Variants in FREM3 observed in about 807,000 individuals in gnomAD.
FREM3 encodes FRAS1 related extracellular matrix 3, also known as FRAS1-related extracellular matrix protein 3.
FREM3 carries 105 observed loss-of-function variants against 129.1 expected under a neutral mutation model. That is an observed-to-expected ratio of 0.81 (90% CI 0.69 to 0.96). The LOEUF is 0.96. Among genes scored for constraint, FREM3 ranks in the 40% least tolerant of loss-of-function variants. The probability of loss-of-function intolerance (pLI) is 0.00; values close to 1 mark genes in which losing one functional copy is unlikely to be tolerated. For missense variants in FREM3, 2,593 were observed against 2,666.3 expected, an observed-to-expected ratio of 0.97 and a Z score of 0.61; for synonymous variants, 1,014 against 1,044.9, an observed-to-expected ratio of 0.97 and a Z score of 0.57.
intron 7 of FREM3, among the ~76,000 whole-genome samples, chr4:143,583,007 A>G (rs1312089388): frequency 1.3e-5 from 2 of 151,896 alleles, no homozygotes; most frequent in African/African-American, 2.4e-5. Flanking sequence ...CAGTCTTACA[A>G]CTAGCTTGGA....
At chr4:143,689,443 G>A (rs1451282533) in intron 2 of FREM3, among the ~76,000 whole-genome samples, 1 of 152,190 alleles carries the variant, frequency 6.6e-6, no homozygotes, top group African/African-American at 2.4e-5. Context: ...CGGTGGGAAT[G>A]TAGTACAGCC....
At chr4:143,587,135 C>G (rs571798856) in intron 6 of FREM3, among the ~76,000 whole-genome samples, 2 of 152,334 alleles carry the variant, frequency 1.3e-5, no homozygotes, top group South Asian at 4.1e-4. Context: ...TTATGCCAAA[C>G]AGCTCCCAAT....
intron 2 of FREM3, among the ~76,000 whole-genome samples, chr4:143,672,734 A>T (rs764237569): frequency 4.3e-4 from 65 of 152,370 alleles, no homozygotes; most frequent in Middle Eastern, 3.4e-3. Context: ...TACACCAATC[A>T]GACATAAATT....
chr4:143,593,223 C>T (rs1363342799), intron 6 of FREM3, among the ~76,000 whole-genome samples: 1 of 152,198 alleles, frequency 6.6e-6, no homozygotes, highest in East Asian at 1.9e-4. Context: ...TTGAAGCCTT[C>T]CTCTCTCAAC....
intron 2 of FREM3, among the ~76,000 whole-genome samples, chr4:143,665,191 G>T (rs1739833747): frequency 6.6e-6 from 1 of 152,076 alleles, no homozygotes; most frequent in Non-Finnish European, 1.5e-5. Flanking sequence ...TGCTCACGCT[G>T]GGAGCTGTAG....
At position 143,582,897 on chromosome 4, in the gene FREM3, A is replaced by C. The variant is rs1210664081; in HGVS notation, c.6178+2947T>G. ...TTATTATTTTTAAATTAATTAATTT[A>C]CTTTTTTTTTTTTGAGATGGGTTTG... On this transcript the variant is annotated intron_variant, in intron 7 of 7. Transcript: ENST00000329798. Among the ~76,000 whole-genome samples, 11 of 77,180 alleles carry C rather than the reference A, an allele frequency of 1.4e-4. No homozygotes were observed. In the East Asian group the frequency reaches 4.9e-3, roughly 34 times the overall value. 50.6% of individuals were successfully genotyped at this position (77,180 alleles called of 152,430 possible).
At chr4:143,667,184 T>C (rs546218980) in intron 2 of FREM3, among the ~76,000 whole-genome samples, 1 of 152,182 alleles carries the variant, frequency 6.6e-6, no homozygotes, top group Non-Finnish European at 1.5e-5. Flanking sequence ...GAATACTGTA[T>C]TTTATGTGGA....
In FREM3 at chr4:143,700,060, G is replaced by A. The variant is rs1171945128; in HGVS notation, c.616C>T (p.Arg206Cys). The A allele has an allele frequency of 1.3e-6, 2 of 1,523,194 alleles. No homozygotes were observed. The highest frequency in any genetic ancestry group is 2.5e-5 in the East Asian group (1 of 40,636). 94.4% of individuals were successfully genotyped at this position (1,523,194 alleles called of 1,614,324 possible). ...GGAAGTGGGGTAAGCCGGCACCTGC[G>A]GGTGGCCGTGGCTCCAGACTTCAGG... The part of the protein sequence containing the change: ...ASLKSGATAT[R>C]RCRLTPLPHE... Residue 206 changes from arginine (R) to cysteine (C), a missense_variant, in exon 1 of 8, where the codon CGC becomes TGC. Around this residue, in one of 2 missense-constraint regions of FREM3, gnomAD observed 2,276 missense variants for 2,267.2 expected, o/e 1.00. Coordinates refer to ENST00000329798, the MANE Select transcript of FREM3 (RefSeq NM_001168235.2).
chr4:143,618,905 C>T (rs1241459286), intron 5 of FREM3, among the ~76,000 whole-genome samples: 1 of 151,958 alleles, frequency 6.6e-6, no homozygotes, highest in African/African-American at 2.4e-5. Context: ...CAAAATCCTC[C>T]CCCAACCTAC....
intron 2 of FREM3, among the ~76,000 whole-genome samples, chr4:143,678,730 GAA>G (rs1386931723): frequency 1.3e-5 from 2 of 152,008 alleles, no homozygotes; most frequent in Non-Finnish European, 2.9e-5. Flanking sequence ...CATTGAAAAT[GAA>G]AGAGAAAAAT....
At chr4:143,658,820 T>G (rs1739646182) in intron 2 of FREM3, among the ~76,000 whole-genome samples, 1 of 152,208 alleles carries the variant, frequency 6.6e-6, no homozygotes, top group Non-Finnish European at 1.5e-5. Context: ...ACCCTTGATT[T>G]AGAATATCCT....
intron 2 of FREM3, among the ~76,000 whole-genome samples, chr4:143,670,710 G>C (rs965292604): frequency 6.6e-6 from 1 of 152,076 alleles, no homozygotes; most frequent in African/African-American, 2.4e-5. Flanking sequence ...TTTACTAGTT[G>C]AGAATATTTC....
rs577282985 is a variant in FREM3, at chr4:143,674,988, G to A, written c.5275+18125C>T. Among the ~76,000 whole-genome samples, 6 of 152,280 alleles carry A rather than the reference G, an allele frequency of 3.9e-5. No homozygotes were observed. The East Asian group carries it at 1.2e-3, about 29-fold the overall frequency. On this transcript the variant is annotated intron_variant, in intron 2 of 7. Coordinates refer to ENST00000329798, the MANE Select transcript of FREM3 (RefSeq NM_001168235.2). Reference sequence around the variant, plus strand: ...GAACATTAGACAGATCAACGAGAAAGAAAGTTAACAAGGATATCCAGGAAT... The same window carrying A: ...GAACATTAGACAGATCAACGAGAAAAAAAGTTAACAAGGATATCCAGGAAT...
Position 143,698,507 on chromosome 4 carries a change from G to T in FREM3, c.2169C>A (p.Phe723Leu), listed in dbSNP as rs1560878119. The T allele has an allele frequency of 2.0e-6, 3 of 1,537,690 alleles. No individual in the cohort carries two copies. Among genetic ancestry groups the T allele is most frequent in the Non-Finnish European group, 2.6e-6 (3 of 1,147,010 alleles). The change falls in exon 1 of 8, where the codon TTC (phenylalanine) becomes TTA (leucine). Residue 723 changes from phenylalanine (F) to leucine (L), a missense_variant. This residue lies in a region of FREM3 where 2,276 missense variants were observed against 2,267.2 expected (regional missense o/e 1.00). Coordinates refer to ENST00000329798, the MANE Select transcript of FREM3 (RefSeq NM_001168235.2). The part of the protein sequence containing the change: ...MTVQEYQLTH[F>L]QKNFLRYIDQ... ...CAATGTATCGGAGGAAATTCTTCTG[G>T]AAGTGAGTGAGTTGGTATTCTTGTA...
rs574935831 is a variant in FREM3 at position 143,622,873 on chromosome 4, A to T, written c.5653+1235T>A. 2.6e-5 allele frequency among the ~76,000 whole-genome samples: 4 copies of T among 152,282 alleles called. No individual in the cohort carries two copies. In the South Asian group the frequency reaches 8.3e-4, roughly 32 times the overall value. On this transcript the variant is annotated intron_variant, in intron 4 of 7. Transcript: ENST00000329798. ...TGAGCCTTCATTACTTGGGACCATG[A>T]TGATCTATGTTCTTCTCCTTGAACT...
intron 2 of FREM3, among the ~76,000 whole-genome samples, chr4:143,664,850 C>G (rs1161286348): frequency 3.9e-5 from 6 of 152,144 alleles, no homozygotes; most frequent in Admixed American, 3.9e-4. Context: ...GACTGCCGTG[C>G]TAGCAATCAG....
intron 5 of FREM3, among the ~76,000 whole-genome samples, chr4:143,619,932 T>A (rs538626014): frequency 2.0e-5 from 3 of 152,174 alleles, no homozygotes; most frequent in African/African-American, 7.2e-5. Flanking sequence ...GAATAAATTC[T>A]CCCTTGCTGA....
intron 2 of FREM3, among the ~76,000 whole-genome samples, chr4:143,641,337 A>G (rs1455054602): frequency 6.6e-6 from 1 of 152,184 alleles, no homozygotes; most frequent in Non-Finnish European, 1.5e-5. Flanking sequence ...GAAGCCTTGT[A>G]GAGGCATAAA....
chr4:143,693,239 G>T, intron 1 of FREM3, 37 bp from the exon 2 acceptor site: 1 of 1,102,666 alleles, frequency 9.1e-7, no homozygotes, highest in Non-Finnish European at 1.3e-6. Flanking sequence ...AGTCATATTG[G>T]CACAAATGAA....
Sources: gnomAD v4.1 joint callset for allele counts (sites outside exome capture counted in the v4.1 genomes callset) on GRCh38, gnomAD v4.1.1 for gene constraint, gnomAD v4.1.1 regional missense constraint, MANE v1.5 for transcripts, NCBI Gene and HGNC (gene_info 2026-07-23, HGNC 2026-07-21) for gene names.